GARIN2: variants seen among roughly 807,000 people sequenced by gnomAD.
GARIN2 encodes golgi associated RAB2 interactor family member 2.
the GARIN2 span, chr14:67,199,834 C>G: frequency 1.3e-6 from 2 of 1,497,740 alleles, no homozygotes; most frequent in Non-Finnish European, 1.8e-6. Context: ...CTGGGATACC[C>G]CCAGCCATGC....
chr14:67,207,807 G>GC, the GARIN2 span, among the ~76,000 whole-genome samples: 1 of 152,104 alleles, frequency 6.6e-6, no homozygotes, highest in Non-Finnish European at 1.5e-5. Context: ...TATATTATGA[G>GC]CCCCCAGCCC....
chr14:67,197,179 T>C, the GARIN2 span: 1 of 152,316 alleles, frequency 6.6e-6, no homozygotes, highest in Non-Finnish European at 1.5e-5. Context: ...GCGGCCCATC[T>C]TGGCCTCCCA....
the GARIN2 span, chr14:67,198,957 CTT>C: frequency 1.4e-6 from 1 of 702,480 alleles, no homozygotes; most frequent in Non-Finnish European, 2.6e-6. Flanking sequence ...ACCTCTAACT[CTT>C]AATACATTCG....
At chr14:67,202,426 C>T in the GARIN2 span, among the ~76,000 whole-genome samples, 37 of 152,100 alleles carry the variant, frequency 2.4e-4, no homozygotes, top group South Asian at 2.3e-3. Flanking sequence ...GGCAACAGAA[C>T]GAGACTGCAC....
At chr14:67,213,097 T>G in the GARIN2 span, among the ~76,000 whole-genome samples, 2 of 114,126 alleles carry the variant, frequency 1.8e-5, no homozygotes, top group Admixed American at 1.1e-4. Flanking sequence ...TCTGTGGTGT[T>G]TTTTTTTTTT....
chr14:67,197,353 T>C, the GARIN2 span: 1 of 152,194 alleles, frequency 6.6e-6, no homozygotes, highest in Non-Finnish European at 1.5e-5. Flanking sequence ...TCGGCCTGAG[T>C]TGAGGTGAGA....
chr14:67,207,531 G>C, the GARIN2 span, among the ~76,000 whole-genome samples: 1 of 151,870 alleles, frequency 6.6e-6, no homozygotes, highest in Non-Finnish European at 1.5e-5. Context: ...ATTTTCAAGT[G>C]ACAAAACATC....
At chr14:67,223,188 T>TG in the GARIN2 span, among the ~76,000 whole-genome samples, 1 of 151,872 alleles carries the variant, frequency 6.6e-6, no homozygotes, top group Non-Finnish European at 1.5e-5. Context: ...TTTGTAGAGA[T>TG]GGGGTTTCAC....
chr14:67,220,309 AG>A, the GARIN2 span, among the ~76,000 whole-genome samples: 4,889 of 152,178 alleles, frequency 0.032, 97 homozygotes, highest in Non-Finnish European at 0.036. Context: ...TGGGCGTGGT[AG>A]TGCACACCTG....
chr14:67,202,044 G>A, the GARIN2 span, among the ~76,000 whole-genome samples: 3 of 152,288 alleles, frequency 2.0e-5, no homozygotes, highest in East Asian at 5.8e-4. Flanking sequence ...TCTTCCTCAG[G>A]GGAGACTTCC....
At chr14:67,211,323 A>G in the GARIN2 span, among the ~76,000 whole-genome samples, 1 of 152,168 alleles carries the variant, frequency 6.6e-6, no homozygotes, top group African/African-American at 2.4e-5. Context: ...AAAAAACCTA[A>G]TGTAGATTTG....
chr14:67,203,339 A>G, the GARIN2 span: 1 of 1,455,254 alleles, frequency 6.9e-7, no homozygotes, highest in Non-Finnish European at 9.3e-7. Context: ...GAAGATGTGC[A>G]TTAGCCCTGT....
the GARIN2 span, among the ~76,000 whole-genome samples, chr14:67,205,378 G>A: frequency 2.0e-5 from 3 of 151,962 alleles, no homozygotes; most frequent in Admixed American, 6.6e-5. Context: ...CTCAACCTGC[G>A]GCTCATATTA....
At chr14:67,208,564 T>C in the GARIN2 span, 4 of 1,114,588 alleles carry the variant, frequency 3.6e-6, no homozygotes, top group African/African-American at 4.7e-5. Context: ...CAGAGACAGA[T>C]GTAGTGTAAC....
the GARIN2 span, among the ~76,000 whole-genome samples, chr14:67,191,726 G>A: frequency 6.6e-4 from 101 of 152,306 alleles, 3 homozygotes; most frequent in African/African-American, 2.4e-3. Flanking sequence ...ACCATGGAAC[G>A]TCTAGAGAGC....
At chr14:67,223,805 C>G in the GARIN2 span, 1 of 985,670 alleles carries the variant, frequency 1.0e-6, no homozygotes, top group Non-Finnish European at 1.2e-6. Flanking sequence ...TCCCCATTTT[C>G]ACTCTCCTCT....
the GARIN2 span, among the ~76,000 whole-genome samples, chr14:67,210,383 TGAAA>T: frequency 5.9e-5 from 9 of 151,710 alleles, no homozygotes; most frequent in South Asian, 1.9e-3. Context: ...CCCAGGAGTT[TGAAA>T]CCCACCTGGA....
At chr14:67,200,135 G>C in the GARIN2 span, 2 of 1,110,006 alleles carry the variant, frequency 1.8e-6, no homozygotes, top group Non-Finnish European at 2.6e-6. Flanking sequence ...CCTCCATTCT[G>C]ATCTCCCATG....
the GARIN2 span, chr14:67,224,963 G>A: frequency 3.3e-6 from 2 of 614,476 alleles, no homozygotes; most frequent in Non-Finnish European, 5.4e-6. Context: ...TTTTTGATGA[G>A]GTGGTTAGAA....
Sources: allele counts gnomAD v4.1 joint callset (sites outside exome capture counted in the v4.1 genomes callset), GRCh38; gene constraint gnomAD v4.1.1; transcripts MANE v1.5; gene names NCBI Gene and HGNC (gene_info 2026-07-23, HGNC 2026-07-21).